Variants in MACROD1 observed in about 807,000 individuals in gnomAD.
MACROD1 encodes ADP-ribose glycohydrolase MACROD1.
MACROD1 carries 31 observed loss-of-function variants against 41.4 expected under a neutral mutation model. That is an observed-to-expected ratio of 0.75 (90% CI 0.56 to 1.01). The LOEUF is 1.01. MACROD1 is among the 50% of genes least tolerant of loss of function. The probability of loss-of-function intolerance (pLI) is 0.00; values close to 1 mark genes in which losing one functional copy is unlikely to be tolerated. For missense variants in MACROD1, 473 were observed against 460.0 expected (o/e 1.03, Z -0.26); for synonymous variants, 252 against 203.4 (o/e 1.24, Z -2.03).
intron 3 of MACROD1, among the ~76,000 whole-genome samples, chr11:64,044,650 C>G (rs1565207127): frequency 6.6e-6 from 1 of 152,136 alleles, no homozygotes; most frequent in Non-Finnish European, 1.5e-5. Flanking sequence ...GGAAGGGGAA[C>G]CACGTTCATT....
At chr11:64,080,637 C>G (rs1007810676) in intron 3 of MACROD1, among the ~76,000 whole-genome samples, 1 of 152,220 alleles carries the variant, frequency 6.6e-6, no homozygotes. Flanking sequence ...GATACAGTTA[C>G]GTTTATGAGC....
chr11:64,101,444 G>A (rs1944668800), intron 3 of MACROD1, among the ~76,000 whole-genome samples: 1 of 152,108 alleles, frequency 6.6e-6, no homozygotes, highest in South Asian at 2.1e-4. Flanking sequence ...TCTTTATCGG[G>A]AGGCAGCGGC....
At chr11:64,076,773 C>T (rs1056995492) in intron 3 of MACROD1, among the ~76,000 whole-genome samples, 3 of 152,298 alleles carry the variant, frequency 2.0e-5, no homozygotes, top group Admixed American at 2.0e-4. Flanking sequence ...GCAGAGCTAG[C>T]TAAGGTGGGA....
Position 64,151,375 on chromosome 11 carries a change from G to A in MACROD1, c.401-20C>T, listed in dbSNP as rs1297771598. On this transcript the variant is annotated intron_variant, in intron 2 of 10. Coordinates refer to ENST00000255681, the MANE Select transcript of MACROD1 (RefSeq NM_014067.4). ...CCACCCCTGGAACAAGTAGGGGCCG[G>A]GGAGGTCACAGCGAGGCTGCCCACT... The A allele has an allele frequency of 6.3e-7, 1 of 1,591,016 alleles. No individual in the cohort carries two copies. The highest frequency in any genetic ancestry group is 8.6e-7 in the Non-Finnish European group (1 of 1,160,904).
At chr11:64,105,188 G>A (rs958657441) in intron 3 of MACROD1, among the ~76,000 whole-genome samples, 3 of 152,218 alleles carry the variant, frequency 2.0e-5, no homozygotes, top group African/African-American at 7.2e-5. Context: ...CCGACAGCGG[G>A]GCCGCGAGCG....
chr11:64,160,557 C>T lies in MACROD1; in HGVS notation c.298+5140G>A, dbSNP rs148127133. The stretch of plus-strand genomic sequence containing the variant: ...CAGTGGCACACATCTGTAATCTCAG[C>T]GCTAGCACTTTTGCAGGCGGAGGTG... On this transcript the variant is annotated intron_variant, in intron 1 of 10. Coordinates refer to ENST00000255681, the MANE Select transcript of MACROD1 (RefSeq NM_014067.4). Among the ~76,000 whole-genome samples, 333 of 152,226 alleles carry T rather than the reference C, an allele frequency of 2.2e-3. 1 individual carries two copies. Among genetic ancestry groups the T allele is most frequent in the African/African-American group, 7.7e-3 (321 of 41,534 alleles).
intron 1 of MACROD1, among the ~76,000 whole-genome samples, chr11:64,157,360 C>G (rs1274939166): frequency 6.6e-6 from 1 of 152,184 alleles, no homozygotes; most frequent in African/African-American, 2.4e-5. Context: ...TCCGAAAGTG[C>G]TGGGATTACA....
chr11:64,154,573 C>T (rs921805757), intron 1 of MACROD1, among the ~76,000 whole-genome samples: 6 of 152,178 alleles, frequency 3.9e-5, no homozygotes, highest in Admixed American at 1.3e-4. Context: ...ATTCAAACGC[C>T]GGTCCTCTGG....
At chr11:64,048,398 C>T (rs114756488) in intron 3 of MACROD1, among the ~76,000 whole-genome samples, 156 of 152,304 alleles carry the variant, frequency 1.0e-3, no homozygotes, top group African/African-American at 3.5e-3. Context: ...GGGGGCCTCC[C>T]GGGGAGGGTC....
At chr11:64,134,461 C>T (rs1945305653) in intron 3 of MACROD1, among the ~76,000 whole-genome samples, 2 of 152,170 alleles carry the variant, frequency 1.3e-5, no homozygotes, top group South Asian at 4.1e-4. Context: ...GAAGTTGAAC[C>T]CACAGGGAGG....
At chr11:64,072,569 C>T (rs545624510) in intron 3 of MACROD1, among the ~76,000 whole-genome samples, 2 of 152,362 alleles carry the variant, frequency 1.3e-5, no homozygotes, top group South Asian at 4.1e-4. Context: ...TGCATCCTGA[C>T]GTGTGGCCTT....
At chr11:64,119,736 T>C (rs953557466) in intron 3 of MACROD1, among the ~76,000 whole-genome samples, 2 of 152,136 alleles carry the variant, frequency 1.3e-5, no homozygotes, top group Non-Finnish European at 2.9e-5. Context: ...GGGCCCTGAC[T>C]GGGACCCTCA....
At chr11:64,003,307 T>A (rs986806061) in intron 4 of MACROD1, among the ~76,000 whole-genome samples, 5 of 152,202 alleles carry the variant, frequency 3.3e-5, no homozygotes, top group Non-Finnish European at 1.5e-5. Context: ...AACCTCTGCC[T>A]CCTGGGTTCA....
intron 3 of MACROD1, among the ~76,000 whole-genome samples, chr11:64,141,101 C>T (rs1474572249): frequency 6.6e-6 from 1 of 152,232 alleles, no homozygotes; most frequent in African/African-American, 2.4e-5. Flanking sequence ...CACCAGTGTA[C>T]TCCAGCCTGG....
In MACROD1 at chr11:64,091,975, A is replaced by G. The variant is rs114596994; in HGVS notation, c.517+59264T>C. On this transcript the variant is annotated intron_variant, in intron 3 of 10. Transcript: ENST00000255681. Reference sequence around the variant, plus strand: ...GGCAGTGGCGTCACTCTGGGCTCTCAGGTGGTAGAGGACAGCGGGGCTGCC... The same window carrying G: ...GGCAGTGGCGTCACTCTGGGCTCTCGGGTGGTAGAGGACAGCGGGGCTGCC... Among the ~76,000 whole-genome samples the G allele has an allele frequency of 5.1e-3, 779 of 152,298 alleles. 2 individuals are homozygous for G. Among genetic ancestry groups the G allele is most frequent in the Middle Eastern group, 0.017 (5 of 294 alleles).
At chr11:64,136,397 C>T (rs553318275) in intron 3 of MACROD1, among the ~76,000 whole-genome samples, 23 of 152,326 alleles carry the variant, frequency 1.5e-4, no homozygotes, top group African/African-American at 5.1e-4. Context: ...AAGTGGGACT[C>T]ATAGCCGCCT....
At chr11:64,112,266 T>C (rs1278685017) in intron 3 of MACROD1, among the ~76,000 whole-genome samples, 2 of 152,122 alleles carry the variant, frequency 1.3e-5, no homozygotes, top group Non-Finnish European at 2.9e-5. Flanking sequence ...GTAATCCCAG[T>C]ACTTTGAGAG....
chr11:64,031,177 C>T (rs1943289011), intron 3 of MACROD1, among the ~76,000 whole-genome samples: 1 of 152,156 alleles, frequency 6.6e-6, no homozygotes, highest in African/African-American at 2.4e-5. Flanking sequence ...CCTTGGGCCC[C>T]TCCCTGCTCC....
chr11:64,021,047 T>C (rs1943146208), intron 3 of MACROD1, among the ~76,000 whole-genome samples: 1 of 152,300 alleles, frequency 6.6e-6, no homozygotes, highest in East Asian at 1.9e-4. Context: ...CCCCCACTCC[T>C]GCCCTCGGGT....
Sources: gnomAD v4.1 joint callset for allele counts (sites outside exome capture counted in the v4.1 genomes callset) on GRCh38, gnomAD v4.1.1 for gene constraint, MANE v1.5 for transcripts, NCBI Gene and HGNC (gene_info 2026-07-23, HGNC 2026-07-21) for gene names.